ZNF274: variants seen among roughly 807,000 people sequenced by gnomAD.
The protein encoded by ZNF274 is neurotrophin receptor-interacting factor homolog.
Under a neutral mutation model 42.5 loss-of-function variants are expected in ZNF274, and 23 were observed. That is an observed-to-expected ratio of 0.54 (90% CI 0.39 to 0.77). ZNF274 has a LOEUF of 0.77. ZNF274 is among the 30% of genes least tolerant of loss of function. The pLI, the probability that ZNF274 is intolerant of heterozygous loss-of-function variation, is 0.00. For missense variants in ZNF274, 679 were observed against 806.5 expected (o/e 0.84, Z 1.91); for synonymous variants, 292 against 305.4 (o/e 0.96, Z 0.46).
Position 58,187,040 on chromosome 19 carries a change from C to T in ZNF274, c.254C>T (p.Pro85Leu), listed in dbSNP as rs1203951681. 2 of 1,610,630 alleles carry T rather than the reference C, an allele frequency of 1.2e-6. No homozygotes were observed. The highest frequency in any genetic ancestry group is 1.1e-5 in the South Asian group (1 of 90,260). Residue 85 changes from proline (P) to leucine (L), a missense_variant and splice_region_variant, in exon 4 of 8, where the codon CCA becomes CTA. Physicochemically the swap from Pro to Leu is moderately conservative, Grantham distance 98 (BLOSUM62 -3). This residue lies in a region of ZNF274 where 223 missense variants were observed against 216.4 expected (regional missense o/e 1.03). Transcript: ENST00000617501. ...AGAGGAATTCCTCAAGACACCATTC[C>T]AGGTGAGAACCAGACATGGGAAGCC... Reference protein sequence around the residue: ...VERGIPQDTIPEYPELQLDPK... With the variant: ...VERGIPQDTILEYPELQLDPK...
intron 3 of ZNF274, among the ~76,000 whole-genome samples, chr19:58,186,341 CAGG>C (rs970016263): frequency 7.6e-4 from 115 of 151,896 alleles, no homozygotes; most frequent in African/African-American, 2.7e-3. Context: ...CAGTTGAGGT[CAGG>C]AGTTCTAGAC....
intron 1 of ZNF274, 36 bp from the exon 2 acceptor site, chr19:58,183,885 A>G (rs893146235): frequency 2.7e-6 from 4 of 1,460,502 alleles, no homozygotes; most frequent in Non-Finnish European, 3.7e-6. Flanking sequence ...GGACACCTTA[A>G]GCCTCTCCCT....
chr19:58,191,193 A>G (rs1478701624), intron 4 of ZNF274, among the ~76,000 whole-genome samples: 1 of 152,180 alleles, frequency 6.6e-6, no homozygotes, highest in Non-Finnish European at 1.5e-5. Flanking sequence ...GCTGGAGTGC[A>G]GTGGTGCCAT....
Position 58,207,327 on chromosome 19 carries a change from C to G in ZNF274, c.739+125C>G. The G allele has an allele frequency of 7.1e-7, 1 of 1,399,818 alleles. No individual in the cohort carries two copies. Among genetic ancestry groups the G allele is most frequent in the Non-Finnish European group, 9.5e-7 (1 of 1,055,434 alleles). 86.7% of individuals were successfully genotyped at this position (1,399,818 alleles called of 1,614,324 possible). A position where few individuals can be genotyped will look rare whatever the true frequency, so the allele number is the denominator to read the frequency against. On this transcript the variant is annotated intron_variant, in intron 5 of 7. Transcript: ENST00000617501. The surrounding 1 kb of genome is among the most constrained non-coding windows in gnomAD (Gnocchi z 5.6). ...AGGATTGTGTCCGCTCCATACAGAC[C>G]AAGGACATCCATGTTGCCCACGTGT...
rs1555816898 is a variant in ZNF274 at position 58,188,694 on chromosome 19, G to GTATGTGTATATA, written c.256+1655_256+1656insGTGTATATATAT. The stretch of plus-strand genomic sequence containing the variant: ...TGTGTGTGTATATATATATGTATAT[G>GTATGTGTATATA]TATATATATATATATATATATATAT... On this transcript the variant is annotated intron_variant, in intron 4 of 7. Coordinates refer to ENST00000617501, the MANE Select transcript of ZNF274 (RefSeq NM_133502.3). Among the ~76,000 whole-genome samples the GTATGTGTATATA allele has an allele frequency of 2.7e-5, 2 of 74,654 alleles. 1 individual carries two copies. Among genetic ancestry groups the GTATGTGTATATA allele is most frequent in the African/African-American group, 1.1e-4 (2 of 18,486 alleles). The allele number at this position is 74,654 out of a possible 152,430, so 49.0% of individuals were successfully genotyped here.
At chr19:58,200,245 T>C (rs992838367) in intron 4 of ZNF274, among the ~76,000 whole-genome samples, 2 of 152,214 alleles carry the variant, frequency 1.3e-5, no homozygotes, top group African/African-American at 4.8e-5. Flanking sequence ...AAAATGAAGT[T>C]GCCCATTCAG....
chr19:58,199,264 G>A (rs1232130595), intron 4 of ZNF274, among the ~76,000 whole-genome samples: 1 of 151,868 alleles, frequency 6.6e-6, no homozygotes, highest in Non-Finnish European at 1.5e-5. Context: ...TACTTAGGAG[G>A]TTGAGACAGG....
In ZNF274 at chr19:58,211,743, A is replaced by C. The variant is rs182190627; in HGVS notation, c.979+57A>C. On this transcript the variant is annotated intron_variant, in intron 7 of 7. Coordinates refer to ENST00000617501, the MANE Select transcript of ZNF274 (RefSeq NM_133502.3). The surrounding 1 kb of genome is among the most constrained non-coding windows in gnomAD (Gnocchi z 4.8). ...GGGCTGGTAGGCCACAGGAGCCCCAAGTCAGGGGTGTTCACCTTCTCTAGA... is the reference window on the plus strand; with the variant it reads ...GGGCTGGTAGGCCACAGGAGCCCCACGTCAGGGGTGTTCACCTTCTCTAGA... 1.5e-5 allele frequency: 24 copies of C among 1,564,966 alleles called. No homozygotes were observed. Among genetic ancestry groups the C allele is most frequent in the Non-Finnish European group, 2.1e-5 (24 of 1,153,550 alleles).
chr19:58,194,371 C>CTTTTTTTTTTTT (rs766266627), intron 4 of ZNF274, among the ~76,000 whole-genome samples: 1 of 64,176 alleles, frequency 1.6e-5, no homozygotes, highest in Non-Finnish European at 2.7e-5. Context: ...TGTTTTTTAC[C>CTTTTTTTTTTTT]TTTTTTTTTT....
In ZNF274 at chr19:58,207,062, T is replaced by G. The variant is rs748412596; in HGVS notation, c.599T>G (p.Ile200Ser). ...LQPKARSKEQ[I>S]LELLVLEQFL... ...CCTAAGGCACGCTCCAAGGAGCAGATCCTGGAGCTGCTGGTGCTGGAGCAG... is the reference window on the plus strand; with the variant it reads ...CCTAAGGCACGCTCCAAGGAGCAGAGCCTGGAGCTGCTGGTGCTGGAGCAG... The change falls in exon 5 of 8, where the codon ATC becomes AGC. Residue 200 changes from isoleucine (I) to serine (S), a missense_variant. Physicochemically the swap from Ile to Ser is moderately radical, Grantham distance 142. This residue lies in a region of ZNF274 where 456 missense variants were observed against 590.1 expected (regional missense o/e 0.77). Transcript: ENST00000617501. This position sits in a 1 kb window ranked among gnomAD's most constrained non-coding sequence, Gnocchi z 5.6. 6.2e-7 allele frequency: 1 copy of G among 1,613,764 alleles called. No homozygotes were observed. Among genetic ancestry groups the G allele is most frequent in the Non-Finnish European group, 8.5e-7 (1 of 1,179,908 alleles).
intron 3 of ZNF274, 77 bp from the exon 4 acceptor site, chr19:58,186,870 C>G (rs558700527): frequency 4.8e-6 from 6 of 1,252,932 alleles, no homozygotes; most frequent in Non-Finnish European, 6.8e-6. Context: ...AAGCTGGAGA[C>G]GGCTTGTGCT....
At chr19:58,196,382 G>A (rs1189213205) in intron 4 of ZNF274, among the ~76,000 whole-genome samples, 3 of 152,116 alleles carry the variant, frequency 2.0e-5, no homozygotes, top group Non-Finnish European at 2.9e-5. Context: ...GCAACATGAC[G>A]AAACCCTATT....
chr19:58,211,528 T>C lies in ZNF274; in HGVS notation c.853-32T>C. ...CTCATTGACAACCCTCTGACCCTCTTGCTGAGCATAGACACATATGTGATG... is the reference window on the plus strand; with the variant it reads ...CTCATTGACAACCCTCTGACCCTCTCGCTGAGCATAGACACATATGTGATG... On this transcript the variant is annotated intron_variant, in intron 6 of 7. Transcript: ENST00000617501. The surrounding 1 kb of genome is among the most constrained non-coding windows in gnomAD (Gnocchi z 4.8). 2 of 1,593,098 alleles carry C rather than the reference T, an allele frequency of 1.3e-6. No individual in the cohort carries two copies. The highest frequency in any genetic ancestry group is 1.7e-6 in the Non-Finnish European group (2 of 1,167,148).
chr19:58,204,157 C>T (rs1352153711), intron 4 of ZNF274, among the ~76,000 whole-genome samples: 1 of 152,198 alleles, frequency 6.6e-6, no homozygotes, highest in East Asian at 1.9e-4. Context: ...CCCGCGAGGT[C>T]CGGAGAAATA....
intron 4 of ZNF274, among the ~76,000 whole-genome samples, chr19:58,189,359 A>C (rs959442669): frequency 6.6e-6 from 1 of 152,212 alleles, no homozygotes; most frequent in African/African-American, 2.4e-5. Context: ...GCTGCGCTCA[A>C]GCAGTCCTCC....
At chr19:58,200,166 A>T (rs904781789) in intron 4 of ZNF274, among the ~76,000 whole-genome samples, 1 of 152,226 alleles carries the variant, frequency 6.6e-6, no homozygotes, top group Admixed American at 6.5e-5. Flanking sequence ...GATCACAGTG[A>T]TGAGTGGGGC....
At chr19:58,199,590 C>T (rs758867317) in intron 4 of ZNF274, among the ~76,000 whole-genome samples, 6 of 152,094 alleles carry the variant, frequency 3.9e-5, no homozygotes, top group Admixed American at 6.6e-5. Flanking sequence ...GGCGTGGTGG[C>T]GTGCACCTGT....
chr19:58,190,884 T>G (rs986340361), intron 4 of ZNF274, among the ~76,000 whole-genome samples: 3 of 152,206 alleles, frequency 2.0e-5, no homozygotes, highest in African/African-American at 7.2e-5. Flanking sequence ...ATGACCTGTT[T>G]GCCACAGAAT....
chr19:58,184,495 T>G (rs1431154688), intron 2 of ZNF274: 1 of 156,458 alleles, frequency 6.4e-6, no homozygotes, highest in Non-Finnish European at 1.4e-5. Context: ...GTGTTTTTTG[T>G]GGAGACGGGG....
Sources: gnomAD v4.1 joint callset for allele counts (sites outside exome capture counted in the v4.1 genomes callset) on GRCh38, gnomAD v4.1.1 for gene constraint, gnomAD v4.1.1 regional missense constraint, Gnocchi (gnomAD v3.1) non-coding constraint, MANE v1.5 for transcripts, NCBI Gene and HGNC (gene_info 2026-07-23, HGNC 2026-07-21) for gene names.